POLR3G: variants seen among roughly 807,000 people sequenced by gnomAD.
The protein encoded by POLR3G is RNA polymerase III subunit G, also known as DNA-directed RNA polymerase III subunit RPC7.
In POLR3G, 28 loss-of-function variants were observed where a neutral mutation model predicts 30.1. The ratio of observed to expected loss-of-function variants is 0.93; its 90% confidence interval spans 0.69 to 1.27. The LOEUF (loss-of-function observed/expected upper bound fraction) is 1.27, where lower values mean the gene tolerates loss of function less well. POLR3G is among the 50% of genes most tolerant of loss of function. POLR3G has a pLI of 0.00. For synonymous variants in POLR3G, 79 were observed against 82.5 expected, an observed-to-expected ratio of 0.96 and a Z score of 0.23; for missense variants, 254 against 264.6, an observed-to-expected ratio of 0.96 and a Z score of 0.28.
intron 1 of POLR3G, among the ~76,000 whole-genome samples, chr5:90,478,466 C>T (rs535436068): frequency 2.0e-5 from 3 of 151,894 alleles, no homozygotes; most frequent in Admixed American, 6.5e-5. Context: ...GTAAAGCAGT[C>T]CTGCTTTTGT....
intron 3 of POLR3G, among the ~76,000 whole-genome samples, chr5:90,493,637 A>C (rs72781084): frequency 2.1e-5 from 3 of 144,402 alleles, no homozygotes; most frequent in Non-Finnish European, 4.5e-5. Flanking sequence ...AGTGACTTTT[A>C]ATATAGCCAC....
chr5:90,494,548 A>G (rs1047863144), intron 3 of POLR3G, among the ~76,000 whole-genome samples: 2 of 150,818 alleles, frequency 1.3e-5, no homozygotes, highest in African/African-American at 4.9e-5. Flanking sequence ...TATCCTTGCC[A>G]ACATTTCTTA....
intron 5 of POLR3G, among the ~76,000 whole-genome samples, chr5:90,501,132 T>A (rs1752226273): frequency 6.6e-6 from 1 of 152,236 alleles, no homozygotes; most frequent in South Asian, 2.1e-4. Flanking sequence ...TTTATTTTAA[T>A]CTTTATTCCA....
chr5:90,477,303 G>A (rs1287143293), intron 1 of POLR3G, among the ~76,000 whole-genome samples: 2 of 152,200 alleles, frequency 1.3e-5, no homozygotes, highest in East Asian at 1.9e-4. Flanking sequence ...GGTGCCTGTG[G>A]TGAGAGGCAG....
chr5:90,495,855 G>C (rs1580209621), intron 4 of POLR3G, 122 bp downstream of exon 4: 2 of 1,264,558 alleles, frequency 1.6e-6, no homozygotes, highest in Non-Finnish European at 2.1e-6. Context: ...TTCTTTTATT[G>C]TGATTAATTA....
chr5:90,506,144 A>G (rs1008419344), intron 6 of POLR3G, among the ~76,000 whole-genome samples: 2 of 152,064 alleles, frequency 1.3e-5, no homozygotes, highest in African/African-American at 4.8e-5. Context: ...CAGGAGAATC[A>G]CTTGAACCCA....
rs754086629 is a variant in POLR3G, at chr5:90,485,613, A to G, written c.46A>G (p.Ile16Val). The G allele has an allele frequency of 3.7e-6, 6 of 1,614,052 alleles. 1 individual carries two copies. The highest frequency in any genetic ancestry group is 3.3e-5 in the South Asian group (3 of 91,072). The change falls in exon 2 of 8, where the codon ATT becomes GTT. Residue 16 changes from isoleucine (I) to valine (V), a missense_variant. By Grantham distance (29) the Ile-to-Val change is conservative. Coordinates refer to ENST00000651687, the MANE Select transcript of POLR3G (RefSeq NM_006467.3). The stretch of plus-strand genomic sequence containing the variant: ...AGGACGTGCTGCTTATACCTTTAAT[A>G]TTGAGGCTGTTGGATTTAGCAAAGG... ...GRGRAAYTFNIEAVGFSKGEK... is the reference protein window; with the variant it reads ...GRGRAAYTFNVEAVGFSKGEK...
At chr5:90,487,484 C>T (rs562471161) in intron 2 of POLR3G, among the ~76,000 whole-genome samples, 12 of 149,262 alleles carry the variant, frequency 8.0e-5, no homozygotes, top group African/African-American at 2.2e-4. Flanking sequence ...CTCCGCCTCC[C>T]GGGTTCACAC....
At chr5:90,492,002 A>G in intron 3 of POLR3G, among the ~76,000 whole-genome samples, 1 of 152,316 alleles carries the variant, frequency 6.6e-6, no homozygotes, top group Admixed American at 6.5e-5. Context: ...CATTTAATAC[A>G]ATTGAAAATT....
upstream of POLR3G, chr5:90,474,057 G>A (rs1467534588): frequency 6.3e-7 from 1 of 1,583,258 alleles, no homozygotes; most frequent in Non-Finnish European, 8.6e-7. Flanking sequence ...GGTGGCCACG[G>A]CAAGCAGTGG....
upstream of POLR3G, chr5:90,474,698 A>C (rs1750692494): frequency 4.4e-6 from 1 of 229,398 alleles, no homozygotes; most frequent in Non-Finnish European, 8.6e-6. Context: ...AAGAGCTAGA[A>C]CCGCCCACCC....
intron 1 of POLR3G, among the ~76,000 whole-genome samples, chr5:90,477,970 A>G (rs1442707895): frequency 6.6e-6 from 1 of 152,236 alleles, no homozygotes; most frequent in African/African-American, 2.4e-5. Context: ...TACTTGGCAT[A>G]TGCCCTATGG....
At chr5:90,507,527 T>G (rs903233361) in intron 7 of POLR3G, among the ~76,000 whole-genome samples, 1 of 152,234 alleles carries the variant, frequency 6.6e-6, no homozygotes, top group Non-Finnish European at 1.5e-5. Context: ...TTAATTTGCT[T>G]TCCTCGTTGA....
At position 90,512,168 on chromosome 5, in the gene POLR3G, T is replaced by C; in HGVS notation, c.*29T>C. 1 of 1,313,928 alleles carries C rather than the reference T, an allele frequency of 7.6e-7. No individual in the cohort carries two copies. The highest frequency in any genetic ancestry group is 1.1e-6 in the Non-Finnish European group (1 of 908,734). The allele number at this position is 1,313,928 out of a possible 1,614,324, so 81.4% of individuals were successfully genotyped here. A position where few individuals can be genotyped will look rare whatever the true frequency, so the allele number is the denominator to read the frequency against. On this transcript the variant is annotated 3_prime_UTR_variant, in exon 8 of 8. Transcript: ENST00000651687. ...TGAAATTTTTCAAAAAATATTTTTA[T>C]GATGCAGCTTCTGAACATTTGGACA...
upstream of POLR3G, chr5:90,474,544 G>C (rs957545386): frequency 1.2e-5 from 6 of 519,236 alleles, no homozygotes; most frequent in South Asian, 2.4e-5. Flanking sequence ...CCACCAGCAC[G>C]GGGGCGCAGG....
intron 1 of POLR3G, 78 bp downstream of exon 1, chr5:90,475,098 A>C (rs1297292863): frequency 2.0e-5 from 3 of 152,086 alleles, no homozygotes; most frequent in Non-Finnish European, 4.4e-5. Flanking sequence ...GGAAAAGGTG[A>C]GGGGAAGTCA....
At chr5:90,511,642 A>G (rs1295163323) in intron 7 of POLR3G, among the ~76,000 whole-genome samples, 2 of 151,596 alleles carry the variant, frequency 1.3e-5, no homozygotes, top group Non-Finnish European at 2.9e-5. Context: ...AATAGGAAGT[A>G]AAAGTCTTTC....
chr5:90,484,111 C>A (rs919595266), intron 1 of POLR3G, among the ~76,000 whole-genome samples: 2 of 152,146 alleles, frequency 1.3e-5, no homozygotes, highest in African/African-American at 4.8e-5. Flanking sequence ...CAATCCTCAC[C>A]CCAAGAGATC....
At chr5:90,500,487 C>T (rs1752195323) in intron 5 of POLR3G, among the ~76,000 whole-genome samples, 1 of 152,074 alleles carries the variant, frequency 6.6e-6, no homozygotes, top group Non-Finnish European at 1.5e-5. Flanking sequence ...AAGTAGAATA[C>T]ATTCTTAGCT....
Sources: allele counts gnomAD v4.1 joint callset (sites outside exome capture counted in the v4.1 genomes callset), GRCh38; gene constraint gnomAD v4.1.1; transcripts MANE v1.5; gene names NCBI Gene and HGNC (gene_info 2026-07-23, HGNC 2026-07-21).